The following GPHN variants were observed in gnomAD, a reference collection of about 807,000 sequenced individuals.
The protein encoded by GPHN is gephyrin.
A neutral mutation model predicts 95.5 loss-of-function variants in GPHN; 17 were observed. That is an observed-to-expected ratio of 0.18 (90% CI 0.12 to 0.27). The LOEUF (loss-of-function observed/expected upper bound fraction) is 0.27. Among genes scored for constraint, GPHN ranks in the 10% least tolerant of loss-of-function variants. The pLI is 1.00. For missense variants in GPHN, 660 were observed against 978.1 expected (o/e 0.67, Z 4.34); for synonymous variants, 320 against 322.5 (o/e 0.99, Z 0.08).
the GPHN span, among the ~76,000 whole-genome samples, chr14:67,374,269 C>G: frequency 6.6e-5 from 10 of 152,132 alleles, no homozygotes; most frequent in Non-Finnish European, 8.8e-5. Flanking sequence ...AATCTGAAAT[C>G]CAAAACACTT....
chr14:66,996,777 T>C (rs1277881285), intron 9 of GPHN, among the ~76,000 whole-genome samples: 3 of 152,196 alleles, frequency 2.0e-5, no homozygotes, highest in South Asian at 2.1e-4. Context: ...TTGCTACTTA[T>C]ATTTTCCTAA....
the GPHN span, chr14:67,692,571 G>A: frequency 1.3e-6 from 2 of 1,599,516 alleles, no homozygotes; most frequent in Admixed American, 1.7e-5. Flanking sequence ...CCACATCCCG[G>A]CAAGCTAAAT....
At chr14:66,977,477 G>A (rs144034505) in intron 9 of GPHN, among the ~76,000 whole-genome samples, 21 of 152,022 alleles carry the variant, frequency 1.4e-4, no homozygotes, top group African/African-American at 5.1e-4. Flanking sequence ...CTCTAGAAAT[G>A]TATCCAAAAT....
At chr14:67,600,039 G>A in the GPHN span, 8 of 1,573,352 alleles carry the variant, frequency 5.1e-6, no homozygotes, top group Non-Finnish European at 6.9e-6. Context: ...AGAGGGTGAA[G>A]AGTCCGTAGG....
the GPHN span, among the ~76,000 whole-genome samples, chr14:67,704,792 T>C: frequency 6.6e-6 from 1 of 152,192 alleles, no homozygotes; most frequent in African/African-American, 2.4e-5. Flanking sequence ...TAGCAGCAGC[T>C]CTCGTTCTGA....
intron 2 of GPHN, among the ~76,000 whole-genome samples, chr14:66,712,530 G>C (rs1307350593): frequency 1.3e-5 from 2 of 152,136 alleles, no homozygotes; most frequent in African/African-American, 4.8e-5. Flanking sequence ...CCATTCTGGA[G>C]ATATTAGCCC....
chr14:67,102,118 C>T (rs575126392), intron 13 of GPHN, among the ~76,000 whole-genome samples: 6 of 151,852 alleles, frequency 4.0e-5, no homozygotes, highest in South Asian at 2.1e-4. Flanking sequence ...GTGATCCGCC[C>T]GCCTCGGCCT....
At chr14:67,045,221 C>A (rs2074945187) in intron 10 of GPHN, among the ~76,000 whole-genome samples, 1 of 152,200 alleles carries the variant, frequency 6.6e-6, no homozygotes. Flanking sequence ...CGTTCTGTCT[C>A]AAATATGTAT....
At chr14:67,002,368 C>T (rs75682743) in intron 9 of GPHN, among the ~76,000 whole-genome samples, 1 of 139,972 alleles carries the variant, frequency 7.1e-6, no homozygotes, top group Non-Finnish European at 1.5e-5. Context: ...CTGTGCTTAC[C>T]ATGTGATTTT....
At chr14:67,418,869 G>A in the GPHN span, among the ~76,000 whole-genome samples, 1 of 152,210 alleles carries the variant, frequency 6.6e-6, no homozygotes, top group Non-Finnish European at 1.5e-5. Flanking sequence ...CTGTTCCACT[G>A]AAAAAGCTGG....
At chr14:67,592,948 G>C in the GPHN span, among the ~76,000 whole-genome samples, 12 of 152,076 alleles carry the variant, frequency 7.9e-5, no homozygotes, top group Non-Finnish European at 1.8e-4. Context: ...ACCATGCCCG[G>C]CTAATTTTTT....
intron 17 of GPHN, among the ~76,000 whole-genome samples, chr14:67,134,542 T>G (rs182944270): frequency 6.6e-6 from 1 of 152,366 alleles, no homozygotes; most frequent in African/African-American, 2.4e-5. Flanking sequence ...GTGGATAGAC[T>G]GACTTGAAAT....
At chr14:67,470,308 GAA>G in the GPHN span, 5 of 152,414 alleles carry the variant, frequency 3.3e-5, no homozygotes, top group Admixed American at 2.6e-4. Context: ...GCACAAATGT[GAA>G]AAGGAAGAGA....
intron 2 of GPHN, among the ~76,000 whole-genome samples, chr14:66,732,159 C>G (rs1161982401): frequency 2.0e-5 from 3 of 152,186 alleles, no homozygotes; most frequent in Admixed American, 2.0e-4. Context: ...GGAGCCCCCA[C>G]ACAGAGTCCC....
the GPHN span, among the ~76,000 whole-genome samples, chr14:67,673,636 G>C: frequency 6.6e-6 from 1 of 152,150 alleles, no homozygotes; most frequent in Non-Finnish European, 1.5e-5. Context: ...CTATGACCTT[G>C]AGTAATTCGT....
the GPHN span, among the ~76,000 whole-genome samples, chr14:67,331,022 ACTT>A: frequency 6.6e-6 from 1 of 151,466 alleles, no homozygotes; most frequent in Non-Finnish European, 1.5e-5. Context: ...TATTTATTCT[ACTT>A]AAGTTTTTTT....
intron 9 of GPHN, among the ~76,000 whole-genome samples, chr14:67,021,331 G>A (rs1482931282): frequency 2.6e-5 from 4 of 152,040 alleles, no homozygotes; most frequent in Non-Finnish European, 5.9e-5. Context: ...AAATGGGAAA[G>A]CATTGATTAT....
the GPHN span, chr14:67,587,815 T>G: frequency 3.2e-5 from 5 of 157,618 alleles, no homozygotes; most frequent in African/African-American, 1.2e-4. Context: ...CCCAAAGTGC[T>G]GGGATTACAG....
intron 1 of GPHN, among the ~76,000 whole-genome samples, chr14:66,587,339 C>T (rs2061462748): frequency 6.6e-6 from 1 of 152,120 alleles, no homozygotes; most frequent in Non-Finnish European, 1.5e-5. Flanking sequence ...TGAAATTCTT[C>T]CAAAAAATTG....
Sources: allele counts gnomAD v4.1 joint callset (sites outside exome capture counted in the v4.1 genomes callset), GRCh38; gene constraint gnomAD v4.1.1; transcripts MANE v1.5; gene names NCBI Gene and HGNC (gene_info 2026-07-23, HGNC 2026-07-21).